Variants in SV2C observed in about 807,000 individuals in gnomAD.
SV2C encodes synaptic vesicle glycoprotein 2C.
Under a neutral mutation model 79.7 loss-of-function variants are expected in SV2C, and 49 were observed. The ratio of observed to expected loss-of-function variants is 0.61; its 90% confidence interval spans 0.49 to 0.78. The LOEUF is 0.78. Among genes scored for constraint, SV2C ranks in the 30% least tolerant of loss-of-function variants. SV2C has a pLI of 0.00. For missense variants in SV2C, 833 were observed against 912.9 expected (o/e 0.91, Z 1.13); for synonymous variants, 334 against 333.2 (o/e 1.00, Z -0.03).
chr5:75,984,567 A>ATATCTATCTATCTATCTATCTATCTATC, the SV2C span, among the ~76,000 whole-genome samples: 1 of 102,826 alleles, frequency 9.7e-6, no homozygotes, highest in Non-Finnish European at 2.6e-5. Flanking sequence ...CTATCTATCT[A>ATATCTATCTATCTATCTATCTATCTATC]TATCTATCTA....
chr5:76,338,529 A>T (rs1402610077), downstream of SV2C, among the ~76,000 whole-genome samples: 2 of 152,148 alleles, frequency 1.3e-5, no homozygotes, highest in African/African-American at 4.8e-5. Flanking sequence ...AACATTGGAC[A>T]TATCCCACCC....
At chr5:76,086,782 T>C (rs900193937) in intron 1 of SV2C, among the ~76,000 whole-genome samples, 1 of 152,210 alleles carries the variant, frequency 6.6e-6, no homozygotes, top group Non-Finnish European at 1.5e-5. Flanking sequence ...CAGCTAAAAA[T>C]AACAATGGGA....
At chr5:75,944,972 A>G in the SV2C span, among the ~76,000 whole-genome samples, 3 of 152,112 alleles carry the variant, frequency 2.0e-5, no homozygotes, top group African/African-American at 7.2e-5. Flanking sequence ...GAATCAAAAC[A>G]TCTGACCAAT....
At chr5:75,859,379 A>G in the SV2C span, among the ~76,000 whole-genome samples, 2 of 152,264 alleles carry the variant, frequency 1.3e-5, no homozygotes, top group Non-Finnish European at 2.9e-5. Flanking sequence ...AAACCAAAAC[A>G]TTCTCTTCAG....
At chr5:76,074,539 T>A in the SV2C span, among the ~76,000 whole-genome samples, 5 of 152,320 alleles carry the variant, frequency 3.3e-5, no homozygotes, top group East Asian at 9.6e-4. Flanking sequence ...TTCCTTTAGT[T>A]CATCTCTCTC....
At chr5:76,221,009 A>G (rs1367155871) in intron 4 of SV2C, among the ~76,000 whole-genome samples, 1 of 152,182 alleles carries the variant, frequency 6.6e-6, no homozygotes, top group Admixed American at 6.5e-5. Flanking sequence ...GGAGAATACA[A>G]ATCAGTGTAG....
chr5:76,050,199 A>G, the SV2C span, among the ~76,000 whole-genome samples: 1 of 152,232 alleles, frequency 6.6e-6, no homozygotes, highest in African/African-American at 2.4e-5. Flanking sequence ...CATTCGTTAC[A>G]TACTGCCCAA....
At chr5:76,009,825 G>A in the SV2C span, among the ~76,000 whole-genome samples, 1 of 151,940 alleles carries the variant, frequency 6.6e-6, no homozygotes, top group Non-Finnish European at 1.5e-5. Flanking sequence ...TTGATGATGG[G>A]ATCATTTGTA....
At chr5:75,955,345 T>A in the SV2C span, among the ~76,000 whole-genome samples, 2 of 150,000 alleles carry the variant, frequency 1.3e-5, no homozygotes, top group East Asian at 3.9e-4. Context: ...TAGCCATATG[T>A]AGAAAGCTGA....
At chr5:76,211,477 TG>T in intron 4 of SV2C, among the ~76,000 whole-genome samples, 1 of 152,022 alleles carries the variant, frequency 6.6e-6, no homozygotes, top group African/African-American at 2.4e-5. Context: ...TGTGTGTGTG[TG>T]TGTGTGTGTG....
the SV2C span, among the ~76,000 whole-genome samples, chr5:76,007,139 G>A: frequency 3.3e-5 from 5 of 152,012 alleles, no homozygotes; most frequent in Admixed American, 6.5e-5. Flanking sequence ...TAAGCTGTTT[G>A]GCTCTAGAGT....
At chr5:75,884,663 C>T in the SV2C span, among the ~76,000 whole-genome samples, 1 of 151,988 alleles carries the variant, frequency 6.6e-6, no homozygotes, top group Admixed American at 6.6e-5. Flanking sequence ...ATGTTATCAC[C>T]ATACATAACT....
At position 76,206,626 on chromosome 5, in the gene SV2C, C is replaced by A. The variant is rs572224298; in HGVS notation, c.762-3110C>A. 8.2e-4 allele frequency among the ~76,000 whole-genome samples: 125 copies of A among 152,334 alleles called. 1 individual carries two copies. Among genetic ancestry groups the A allele is most frequent in the African/African-American group, 2.9e-3 (119 of 41,588 alleles). Reference sequence around the variant, plus strand: ...AGGAGACTTGGTATGCCAACTACAACATTGAAGAGTCTGGGAAATTCAGTT... The same window carrying A: ...AGGAGACTTGGTATGCCAACTACAAAATTGAAGAGTCTGGGAAATTCAGTT... On this transcript the variant is annotated intron_variant, in intron 3 of 12. Transcript: ENST00000502798.
chr5:75,864,774 C>T, the SV2C span, among the ~76,000 whole-genome samples: 2 of 152,234 alleles, frequency 1.3e-5, no homozygotes, highest in African/African-American at 4.8e-5. Context: ...ATCACTACTA[C>T]AAAGAAGTAG....
chr5:75,998,389 A>G, the SV2C span, among the ~76,000 whole-genome samples: 7 of 152,084 alleles, frequency 4.6e-5, no homozygotes, highest in Admixed American at 2.6e-4. Context: ...ACTGAGAACA[A>G]TAGTATACTC....
At chr5:76,033,382 T>C in the SV2C span, among the ~76,000 whole-genome samples, 2 of 152,230 alleles carry the variant, frequency 1.3e-5, no homozygotes, top group Non-Finnish European at 2.9e-5. Flanking sequence ...TGGTATTAGG[T>C]CTAACATTTA....
the SV2C span, among the ~76,000 whole-genome samples, chr5:76,033,640 A>G: frequency 1.7e-4 from 26 of 151,928 alleles, no homozygotes; most frequent in Admixed American, 5.2e-4. Context: ...ATGCTGTTTT[A>G]GTTACTGTAG....
chr5:75,956,888 A>C, the SV2C span, among the ~76,000 whole-genome samples: 1 of 151,952 alleles, frequency 6.6e-6, no homozygotes, highest in African/African-American at 2.4e-5. Context: ...GCTGTCTCTC[A>C]AGTTAATACA....
chr5:76,037,185 T>A, the SV2C span, among the ~76,000 whole-genome samples: 1 of 152,336 alleles, frequency 6.6e-6, no homozygotes, highest in South Asian at 2.1e-4. Flanking sequence ...TTGCCTTTGG[T>A]TTGAATGTCC....
Sources: allele counts gnomAD v4.1 joint callset (sites outside exome capture counted in the v4.1 genomes callset), GRCh38; gene constraint gnomAD v4.1.1; transcripts MANE v1.5; gene names NCBI Gene and HGNC (gene_info 2026-07-23, HGNC 2026-07-21).